Variants in IGSF10 observed in about 807,000 individuals in gnomAD.
IGSF10 encodes immunoglobulin superfamily member 10.
A neutral mutation model predicts 128.2 loss-of-function variants in IGSF10; 126 were observed. That is an observed-to-expected ratio of 0.98 (90% CI 0.85 to 1.14). The LOEUF (loss-of-function observed/expected upper bound fraction) is 1.14, where lower values mean the gene tolerates loss of function less well. Ranked by LOEUF, IGSF10 falls within the 50% of genes most tolerant of loss-of-function variation. The pLI is 0.00. For missense variants in IGSF10, 3,295 were observed against 3,149.8 expected (o/e 1.05, Z -1.10); for synonymous variants, 1,185 against 1,146.2 (o/e 1.03, Z -0.68).
At chr3:151,504,485 C>G in the IGSF10 span, among the ~76,000 whole-genome samples, 11 of 152,054 alleles carry the variant, frequency 7.2e-5, no homozygotes, top group Non-Finnish European at 1.3e-4. Context: ...GGTCAATAAT[C>G]CCATCATGAA....
the IGSF10 span, among the ~76,000 whole-genome samples, chr3:151,497,167 C>T: frequency 6.6e-6 from 1 of 152,114 alleles, no homozygotes; most frequent in East Asian, 1.9e-4. Context: ...TGTGCAGAAG[C>T]TCTTTAGTTT....
Position 151,447,056 on chromosome 3 carries a change from T to G in IGSF10, c.2925A>C (p.Gln975His). 1.9e-6 allele frequency: 3 copies of G among 1,614,140 alleles called. No homozygotes were observed. The highest frequency in any genetic ancestry group is 1.7e-6 in the Non-Finnish European group (2 of 1,179,974). ...AAGGGAACGTGGAGGTGCTAAGTATTTGAGTAGTGTGAGAATAGAAGTGAT... is the reference window on the plus strand; with the variant it reads ...AAGGGAACGTGGAGGTGCTAAGTATGTGAGTAGTGTGAGAATAGAAGTGAT... The part of the protein sequence containing the change: ...RHNHFYSHTT[Q>H]ILSTSTFPSD... The change falls in exon 6 of 8, where the codon CAA becomes CAC. Residue 975 changes from glutamine to histidine, a missense_variant. Physicochemically the swap from Gln to His is conservative, Grantham distance 24. Transcript: ENST00000282466.
At chr3:151,470,072 G>A in the IGSF10 span, among the ~76,000 whole-genome samples, 3 of 152,188 alleles carry the variant, frequency 2.0e-5, no homozygotes, top group East Asian at 5.8e-4. Context: ...AGTACACTTG[G>A]CCTGTAATGC....
rs571677804 is a variant in IGSF10 at position 151,443,681 on chromosome 3, T to G, written c.5266A>C (p.Thr1756Pro). 1 of 1,614,196 alleles carries G rather than the reference T, an allele frequency of 6.2e-7. No homozygotes were observed. The highest frequency in any genetic ancestry group is 1.1e-5 in the South Asian group (1 of 91,084). Residue 1756 changes from threonine (T) to proline (P), a missense_variant, in exon 7 of 8, where the codon ACA becomes CCA. By Grantham distance (38) the Thr-to-Pro change is conservative. Transcript: ENST00000282466. ...RILERRTKEITVHSGSTVELK... is the reference protein window; with the variant it reads ...RILERRTKEIPVHSGSTVELK... ...TCCACAGTGCTTCCGGAATGAACTG[T>G]GATCTCTTTGGTACGTCTCTCCAGG...
chr3:151,561,627 C>T, the IGSF10 span, among the ~76,000 whole-genome samples: 1 of 152,038 alleles, frequency 6.6e-6, no homozygotes, highest in Non-Finnish European at 1.5e-5. Flanking sequence ...AAACAAGATG[C>T]ATATGTACTG....
At chr3:151,559,636 A>T in the IGSF10 span, among the ~76,000 whole-genome samples, 2 of 152,146 alleles carry the variant, frequency 1.3e-5, no homozygotes, top group South Asian at 4.1e-4. Context: ...GAGTCAAATA[A>T]AAGAATTTTC....
At chr3:151,550,619 T>G in the IGSF10 span, among the ~76,000 whole-genome samples, 3 of 152,330 alleles carry the variant, frequency 2.0e-5, no homozygotes, top group East Asian at 5.8e-4. Flanking sequence ...AGATCTTTTT[T>G]TTAGGTGTAT....
downstream of IGSF10, chr3:151,432,981 A>G (rs1719703671): frequency 1.8e-6 from 1 of 541,582 alleles, no homozygotes; most frequent in South Asian, 2.7e-5. Context: ...GCCAAGGAGA[A>G]GTTGTGGTTT....
chr3:151,588,617 C>T, the IGSF10 span, among the ~76,000 whole-genome samples: 1 of 152,088 alleles, frequency 6.6e-6, no homozygotes, highest in Non-Finnish European at 1.5e-5. Flanking sequence ...TTTATGACAA[C>T]TAGGACTTAA....
At chr3:151,503,879 T>C in the IGSF10 span, among the ~76,000 whole-genome samples, 1 of 152,070 alleles carries the variant, frequency 6.6e-6, no homozygotes, top group Non-Finnish European at 1.5e-5. Context: ...TCTTGCTGTC[T>C]TCTGTTTCTG....
chr3:151,443,965 C>G (rs894234839), intron 6 of IGSF10, 81 bp from the exon 7 acceptor site: 1 of 1,098,582 alleles, frequency 9.1e-7, no homozygotes, highest in Admixed American at 2.6e-5. Flanking sequence ...TTTTGGGCTA[C>G]TAAGAATACA....
chr3:151,471,131 A>T, the IGSF10 span, among the ~76,000 whole-genome samples: 8 of 152,100 alleles, frequency 5.3e-5, no homozygotes, highest in Non-Finnish European at 1.2e-4. Flanking sequence ...AATAAGCCTC[A>T]TGAGATCTGA....
At chr3:151,497,107 T>G in the IGSF10 span, among the ~76,000 whole-genome samples, 1 of 152,232 alleles carries the variant, frequency 6.6e-6, no homozygotes, top group Non-Finnish European at 1.5e-5. Context: ...TGCAAAAATT[T>G]TCTCCCATTC....
At chr3:151,458,964 A>G (rs1057287654) in intron 2 of IGSF10, among the ~76,000 whole-genome samples, 4 of 152,208 alleles carry the variant, frequency 2.6e-5, no homozygotes, top group African/African-American at 9.7e-5. Flanking sequence ...TCTTTATGAA[A>G]ACCAGCAATC....
chr3:151,524,447 AT>A, the IGSF10 span, among the ~76,000 whole-genome samples: 2 of 152,230 alleles, frequency 1.3e-5, no homozygotes, highest in African/African-American at 4.8e-5. Flanking sequence ...CTATGCAGCC[AT>A]AAAAAAGAAT....
At chr3:151,507,081 G>C in the IGSF10 span, among the ~76,000 whole-genome samples, 1 of 152,216 alleles carries the variant, frequency 6.6e-6, no homozygotes, top group Non-Finnish European at 1.5e-5. Context: ...AGGTGGCCAT[G>C]ATGAAGTCTG....
the IGSF10 span, among the ~76,000 whole-genome samples, chr3:151,513,736 C>CA: frequency 6.6e-6 from 1 of 152,132 alleles, no homozygotes; most frequent in Non-Finnish European, 1.5e-5. Flanking sequence ...TGTCTCAGCC[C>CA]AAAATCTCTT....
chr3:151,597,616 C>T, the IGSF10 span, among the ~76,000 whole-genome samples: 1 of 152,158 alleles, frequency 6.6e-6, no homozygotes, highest in Non-Finnish European at 1.5e-5. Flanking sequence ...TGCTCCAGTC[C>T]TAAAAACTAC....
chr3:151,457,672 C>A (rs1182988906), intron 3 of IGSF10, among the ~76,000 whole-genome samples: 1 of 152,102 alleles, frequency 6.6e-6, no homozygotes, highest in Non-Finnish European at 1.5e-5. Context: ...GCCTCAGTTT[C>A]CTCATCTATA....
Sources: allele counts gnomAD v4.1 joint callset (sites outside exome capture counted in the v4.1 genomes callset), GRCh38; gene constraint gnomAD v4.1.1; transcripts MANE v1.5; gene names NCBI Gene and HGNC (gene_info 2026-07-23, HGNC 2026-07-21).